The following MYO6 variants were observed in gnomAD, a reference collection of about 807,000 sequenced individuals.
MYO6 encodes unconventional myosin-VI.
In MYO6, 74 loss-of-function variants were observed where a neutral mutation model predicts 178.7. That is an observed-to-expected ratio of 0.41 (90% CI 0.34 to 0.50). The LOEUF is 0.50. Ranked by LOEUF, MYO6 falls within the 20% of genes least tolerant of loss-of-function variation. The probability of loss-of-function intolerance (pLI) is 0.09; values close to 1 mark genes in which losing one functional copy is unlikely to be tolerated. For synonymous variants in MYO6, 477 were observed against 504.6 expected (o/e 0.95, Z 0.73); for missense variants, 1,330 against 1,547.4 (o/e 0.86, Z 2.36).
At chr6:75,905,615 G>C (rs1016030513) in intron 30 of MYO6, among the ~76,000 whole-genome samples, 2 of 152,212 alleles carry the variant, frequency 1.3e-5, no homozygotes, top group African/African-American at 4.8e-5. Flanking sequence ...TGCGCCCACT[G>C]TCTGGCACTC....
chr6:75,836,245 T>C (rs1195975985), intron 7 of MYO6, among the ~76,000 whole-genome samples: 1 of 152,210 alleles, frequency 6.6e-6, no homozygotes. Context: ...AATACAGGAA[T>C]GTCTTTAGCT....
intron 3 of MYO6, among the ~76,000 whole-genome samples, chr6:75,823,987 T>G (rs1772175973): frequency 6.6e-6 from 1 of 152,212 alleles, no homozygotes; most frequent in Non-Finnish European, 1.5e-5. Context: ...TTTGTCTGAT[T>G]AAATAATACA....
chr6:75,850,699 G>C (rs1775180678), intron 11 of MYO6, among the ~76,000 whole-genome samples: 1 of 152,162 alleles, frequency 6.6e-6, no homozygotes. Context: ...ACCTTAGGCA[G>C]GGAACTTAGC....
chr6:75,913,220 G>A (rs1199886399), intron 33 of MYO6, among the ~76,000 whole-genome samples: 1 of 152,062 alleles, frequency 6.6e-6, no homozygotes, highest in Admixed American at 6.6e-5. Flanking sequence ...CATTGCCCCA[G>A]GGAAATGTTT....
Position 75,853,264 on chromosome 6 carries a change from T to A in MYO6, c.1079-1875T>A, listed in dbSNP as rs755281095. On this transcript the variant is annotated intron_variant, in intron 11 of 34. Transcript: ENST00000369977. ...CTTTATCAGATATATAATTTGCAAATCTTTTCTCCCATTCTGTATGTTATC... is the reference window on the plus strand; with the variant it reads ...CTTTATCAGATATATAATTTGCAAAACTTTTCTCCCATTCTGTATGTTATC... Among the ~76,000 whole-genome samples the A allele has an allele frequency of 5.9e-5, 9 of 152,326 alleles. No homozygotes were observed. The South Asian group carries it at 1.2e-3, about 21-fold the overall frequency.
rs111606661 is a variant in MYO6, at chr6:75,907,467, A to C, written c.3177-138A>C. The C allele has an allele frequency of 8.9e-6, 6 of 676,868 alleles. No individual in the cohort carries two copies. In the African/African-American group the frequency reaches 9.0e-5, roughly 10 times the overall value. 41.9% of individuals were successfully genotyped at this position (676,868 alleles called of 1,614,324 possible). On this transcript the variant is annotated intron_variant, in intron 30 of 34. Coordinates refer to ENST00000369977, the MANE Select transcript of MYO6 (RefSeq NM_004999.4). Reference sequence around the variant, plus strand: ...CTTTTAGTATGCCATTCTTAATCTCATCTGTCAAAGAAACAAAAATTATGT... The same window carrying C: ...CTTTTAGTATGCCATTCTTAATCTCCTCTGTCAAAGAAACAAAAATTATGT...
In MYO6 at chr6:75,832,708, T is replaced by G. The variant is rs905821087; in HGVS notation, c.392-134T>G. The G allele has an allele frequency of 1.3e-5, 8 of 639,618 alleles. No individual in the cohort carries two copies. In the African/African-American group the frequency reaches 1.5e-4, roughly 12 times the overall value. 39.6% of individuals were successfully genotyped at this position (639,618 alleles called of 1,614,324 possible). On this transcript the variant is annotated intron_variant, in intron 5 of 34. Coordinates refer to ENST00000369977, the MANE Select transcript of MYO6 (RefSeq NM_004999.4). ...ATGATTTGAACACTTTTGAATGACT[T>G]TATTTTAAAATTTCATTAACATTGA...
intron 1 of MYO6, among the ~76,000 whole-genome samples, chr6:75,804,974 T>TAC (rs1332466425): frequency 7.1e-6 from 1 of 141,724 alleles, no homozygotes; most frequent in African/African-American, 2.7e-5. Flanking sequence ...TACACATATA[T>TAC]ACACACACAT....
intron 1 of MYO6, among the ~76,000 whole-genome samples, chr6:75,803,261 A>G (rs957583837): frequency 2.6e-5 from 4 of 152,170 alleles, no homozygotes; most frequent in African/African-American, 7.2e-5. Context: ...AAGCTTATTA[A>G]TGACATACTT....
At position 75,886,835 on chromosome 6, in the gene MYO6, T is replaced by C. The variant is rs758224627; in HGVS notation, c.2508-9T>C. On this transcript the variant is annotated splice_polypyrimidine_tract_variant and intron_variant, in intron 24 of 34. Coordinates refer to ENST00000369977, the MANE Select transcript of MYO6 (RefSeq NM_004999.4). The stretch of plus-strand genomic sequence containing the variant: ...GAAATTAAGCTCTAATGAAGTATTA[T>C]TTTTACAGCATTGATGGTCTGGTTA... 1.3e-5 allele frequency: 21 copies of C among 1,613,256 alleles called. No individual in the cohort carries two copies. The highest frequency in any genetic ancestry group is 1.8e-5 in the Non-Finnish European group (21 of 1,179,554).
chr6:75,865,993 T>G (rs1189127011), intron 16 of MYO6, among the ~76,000 whole-genome samples: 2 of 152,176 alleles, frequency 1.3e-5, no homozygotes, highest in East Asian at 3.9e-4. Context: ...GCCTGATGAT[T>G]GGATTTTCAT....
Position 75,781,811 on chromosome 6 carries a change from G to C in MYO6, c.-48+32388G>C, listed in dbSNP as rs142767531. On this transcript the variant is annotated intron_variant, in intron 1 of 34. Transcript: ENST00000369977. ...TAGGTACCTGTAGTCCCAGTTATTC[G>C]GGCGGCTGAGGCAGGAGAATCACTT... Among the ~76,000 whole-genome samples, 97 of 150,798 alleles carry C rather than the reference G, an allele frequency of 6.4e-4. 1 individual carries two copies. The East Asian group carries it at 0.018, about 28-fold the overall frequency.
chr6:75,913,727 A>C (rs1780940496), intron 33 of MYO6, among the ~76,000 whole-genome samples: 1 of 151,764 alleles, frequency 6.6e-6, no homozygotes, highest in Admixed American at 6.5e-5. Context: ...AGTAAATAAT[A>C]GTAGTTTGTT....
chr6:75,789,443 T>G (rs1338630313), intron 1 of MYO6, among the ~76,000 whole-genome samples: 1 of 152,178 alleles, frequency 6.6e-6, no homozygotes, highest in Non-Finnish European at 1.5e-5. Flanking sequence ...AACCTGTGGT[T>G]GTTCACTCTT....
chr6:75,759,953 G>A (rs1464482957), intron 1 of MYO6, among the ~76,000 whole-genome samples: 1 of 152,154 alleles, frequency 6.6e-6, no homozygotes, highest in Non-Finnish European at 1.5e-5. Flanking sequence ...GGCAGTCCTG[G>A]TTTAATGGAA....
Position 75,890,138 on chromosome 6 carries a change from CA to C in MYO6, c.2741del (p.Gln914ArgfsTer13). 1.2e-6 allele frequency: 2 copies of C among 1,608,988 alleles called. No homozygotes were observed. Among genetic ancestry groups the C allele is most frequent in the Non-Finnish European group, 1.7e-6 (2 of 1,178,758 alleles). ...CTCAGAGGAACTCCTCAGTGCATTACAGAAAAAAAAACAGCAGGAAGAGGAA... is the reference window on the plus strand; with the variant it reads ...CTCAGAGGAACTCCTCAGTGCATTACGAAAAAAAAACAGCAGGAAGAGGAA... ...KSSEELLSAL[Q>X]KKKQQEEEAE... On this transcript the variant is annotated frameshift_variant, in exon 26 of 35. Transcript: ENST00000369977. LOFTEE classifies it high-confidence loss of function.
intron 20 of MYO6, among the ~76,000 whole-genome samples, chr6:75,879,086 G>A (rs927802306): frequency 3.9e-5 from 6 of 152,150 alleles, no homozygotes; most frequent in African/African-American, 1.4e-4. Context: ...ACTTGGGAAT[G>A]TATCTACTTT....
intron 9 of MYO6, 97 bp downstream of exon 9, chr6:75,841,475 G>C (rs1378559594): frequency 3.3e-6 from 4 of 1,225,650 alleles, no homozygotes; most frequent in Non-Finnish European, 3.5e-6. Context: ...GATTGCTTGA[G>C]CCTGGGAGTT....
At chr6:75,774,495 A>G (rs1232843133) in intron 1 of MYO6, among the ~76,000 whole-genome samples, 2 of 152,080 alleles carry the variant, frequency 1.3e-5, no homozygotes, top group South Asian at 2.1e-4. Flanking sequence ...TTTTGCTACC[A>G]TTAGAGAATG....
Sources: allele counts gnomAD v4.1 joint callset (sites outside exome capture counted in the v4.1 genomes callset), GRCh38; gene constraint gnomAD v4.1.1; transcripts MANE v1.5; gene names NCBI Gene and HGNC (gene_info 2026-07-23, HGNC 2026-07-21).